PRKAG2: variants seen among roughly 807,000 people sequenced by gnomAD.
PRKAG2 encodes protein kinase AMP-activated non-catalytic subunit gamma 2.
A neutral mutation model predicts 69.6 loss-of-function variants in PRKAG2; 26 were observed. That is an observed-to-expected ratio of 0.37 (90% CI 0.27 to 0.52). The LOEUF is 0.52. PRKAG2 is among the 20% of genes least tolerant of loss of function. PRKAG2 has a pLI of 0.90. For missense variants in PRKAG2, 557 were observed against 740.0 expected, an observed-to-expected ratio of 0.75 and a Z score of 2.87; for synonymous variants, 293 against 285.0, an observed-to-expected ratio of 1.03 and a Z score of -0.28.
intron 1 of PRKAG2, among the ~76,000 whole-genome samples, chr7:151,863,778 G>T (rs1016643100): frequency 1.3e-5 from 2 of 152,056 alleles, no homozygotes; most frequent in East Asian, 3.9e-4. Context: ...AGCCGGGCTT[G>T]GTGGCACCTG....
At chr7:151,732,559 G>A (rs62478184) in intron 3 of PRKAG2, among the ~76,000 whole-genome samples, 52,201 of 152,074 alleles carry the variant, frequency 0.34, 9,803 homozygotes, top group East Asian at 0.46. Flanking sequence ...GGGCTGGAAC[G>A]TTTTCCAGCT....
intron 1 of PRKAG2, among the ~76,000 whole-genome samples, chr7:151,872,725 C>A (rs985320666): frequency 6.6e-6 from 1 of 152,228 alleles, no homozygotes; most frequent in Non-Finnish European, 1.5e-5. Context: ...GGGGTTCCTG[C>A]ACTAGGCTGA....
intron 5 of PRKAG2, among the ~76,000 whole-genome samples, chr7:151,611,970 G>A (rs1397037424): frequency 2.6e-5 from 4 of 152,160 alleles, no homozygotes; most frequent in Non-Finnish European, 2.9e-5. Flanking sequence ...TCTTGAACCT[G>A]GGAGGCGGAG....
At chr7:151,721,744 G>C (rs1797153809) in intron 3 of PRKAG2, among the ~76,000 whole-genome samples, 1 of 152,258 alleles carries the variant, frequency 6.6e-6, no homozygotes, top group Admixed American at 6.5e-5. Context: ...CACAGTGTCA[G>C]GCCAACGTCC....
chr7:151,618,593 C>T (rs1189080090), intron 5 of PRKAG2, among the ~76,000 whole-genome samples: 6 of 151,768 alleles, frequency 4.0e-5, no homozygotes, highest in South Asian at 2.1e-4. Flanking sequence ...GGTGAAACCC[C>T]GTCTCTACTA....
At position 151,573,881 on chromosome 7, in the gene PRKAG2, C is replaced by T. The variant is rs181727296; in HGVS notation, c.1005+1010G>A. Among the ~76,000 whole-genome samples, 726 of 152,198 alleles carry T rather than the reference C, an allele frequency of 4.8e-3. 7 individuals are homozygous for T. The highest frequency in any genetic ancestry group is 0.016 in the African/African-American group (669 of 41,524). ...GCAACCTCCGCCTCCTGGGTTCAAG[C>T]GATTCTTGTGCCTCAGCCTCCTGAG... On this transcript the variant is annotated intron_variant, in intron 8 of 15. Transcript: ENST00000287878.
At chr7:151,702,965 C>T (rs1189849294) in intron 3 of PRKAG2, among the ~76,000 whole-genome samples, 5 of 152,170 alleles carry the variant, frequency 3.3e-5, no homozygotes, top group Admixed American at 6.5e-5. Flanking sequence ...GCCAAGGGCA[C>T]GATTTTGCCT....
intron 1 of PRKAG2, among the ~76,000 whole-genome samples, chr7:151,827,680 C>G (rs1207277850): frequency 7.4e-6 from 1 of 135,182 alleles, no homozygotes; most frequent in East Asian, 2.3e-4. Context: ...AGGAAAAGGT[C>G]CTGGGTAGAG....
intron 3 of PRKAG2, among the ~76,000 whole-genome samples, chr7:151,704,299 T>C (rs11978099): frequency 0.017 from 2,516 of 152,312 alleles, 75 homozygotes; most frequent in African/African-American, 0.057. Context: ...GTAGGTCTTA[T>C]TCTTTCTAAC....
chr7:151,787,705 A>G (rs1333831009), intron 1 of PRKAG2, among the ~76,000 whole-genome samples: 1 of 152,150 alleles, frequency 6.6e-6, no homozygotes, highest in Non-Finnish European at 1.5e-5. Context: ...AAAAAAATCT[A>G]TATGTTGAAG....
At chr7:151,876,312 G>T (rs565043681) in intron 1 of PRKAG2, among the ~76,000 whole-genome samples, 195 bp downstream of exon 1, 1 of 152,044 alleles carries the variant, frequency 6.6e-6, no homozygotes, top group South Asian at 2.1e-4. Context: ...GGCTGCACGC[G>T]GGCAGAGAGA....
At chr7:151,698,049 C>G (rs74892167) in intron 3 of PRKAG2, among the ~76,000 whole-genome samples, 22,588 of 152,208 alleles carry the variant, frequency 0.15, 2,086 homozygotes, top group Non-Finnish European at 0.21. Context: ...TGCCCTGTCC[C>G]TAGGTCTCAC....
intron 3 of PRKAG2, among the ~76,000 whole-genome samples, chr7:151,745,036 G>A (rs1457234948): frequency 6.6e-6 from 1 of 152,190 alleles, no homozygotes; most frequent in Non-Finnish European, 1.5e-5. Context: ...TGGGATTGTG[G>A]GGGTCGACAC....
intron 1 of PRKAG2, among the ~76,000 whole-genome samples, chr7:151,797,038 C>CCG (rs2077579062): frequency 6.6e-6 from 1 of 152,148 alleles, no homozygotes; most frequent in Non-Finnish European, 1.5e-5. Flanking sequence ...AAGGGAAAGG[C>CCG]CCCGAGGCCC....
intron 1 of PRKAG2, among the ~76,000 whole-genome samples, chr7:151,794,682 C>T (rs968345888): frequency 1.3e-5 from 2 of 152,256 alleles, no homozygotes; most frequent in East Asian, 3.8e-4. Flanking sequence ...GAGGCTTCTG[C>T]AAAGACACTG....
chr7:151,873,913 T>C (rs2080279351), intron 1 of PRKAG2, among the ~76,000 whole-genome samples: 1 of 152,116 alleles, frequency 6.6e-6, no homozygotes, highest in Admixed American at 6.5e-5. Flanking sequence ...AATGGCATGT[T>C]CTTGTTTCTC....
At chr7:151,793,034 G>A (rs902182467) in intron 1 of PRKAG2, among the ~76,000 whole-genome samples, 7 of 152,200 alleles carry the variant, frequency 4.6e-5, no homozygotes, top group Non-Finnish European at 8.8e-5. Flanking sequence ...TCAAATGAGA[G>A]GGTTGAACTA....
intron 1 of PRKAG2, among the ~76,000 whole-genome samples, chr7:151,874,326 T>C (rs1172867878): frequency 3.6e-5 from 4 of 110,944 alleles, no homozygotes; most frequent in African/African-American, 7.5e-5. Context: ...ATGATGTATA[T>C]GTATATGATG....
intron 5 of PRKAG2, 111 bp downstream of exon 5, chr7:151,631,958 A>G: frequency 1.9e-6 from 2 of 1,044,476 alleles, no homozygotes; most frequent in Non-Finnish European, 1.2e-6. Flanking sequence ...CGCAGGACGC[A>G]GCTCGCCGTG....
Sources: gnomAD v4.1 joint callset for allele counts (sites outside exome capture counted in the v4.1 genomes callset) on GRCh38, gnomAD v4.1.1 for gene constraint, MANE v1.5 for transcripts, NCBI Gene and HGNC (gene_info 2026-07-23, HGNC 2026-07-21) for gene names.